The following SNX9 variants were observed in gnomAD, a reference collection of about 807,000 sequenced individuals.
The protein encoded by SNX9 is sorting nexin 9.
A neutral mutation model predicts 89.4 loss-of-function variants in SNX9; 44 were observed. The observed-to-expected ratio is 0.49, with a 90% confidence interval of 0.39 to 0.63. SNX9 has a LOEUF of 0.63. SNX9 is among the 30% of genes least tolerant of loss of function. The pLI is 0.00. For missense variants in SNX9, 578 were observed against 736.1 expected (o/e 0.79, Z 2.49); for synonymous variants, 236 against 247.8 (o/e 0.95, Z 0.45).
At chr6:157,914,140 TC>T (rs1390830377) in intron 9 of SNX9, among the ~76,000 whole-genome samples, 1 of 152,186 alleles carries the variant, frequency 6.6e-6, no homozygotes, top group Non-Finnish European at 1.5e-5. Flanking sequence ...TAGTTCCACA[TC>T]CCTACCTGCA....
chr6:157,915,223 T>A (rs1218397144), intron 9 of SNX9, among the ~76,000 whole-genome samples: 1 of 152,214 alleles, frequency 6.6e-6, no homozygotes, highest in Non-Finnish European at 1.5e-5. Flanking sequence ...TTAAATCAAG[T>A]AGCGTGAATC....
chr6:157,902,943 C>T (rs908143852), intron 6 of SNX9, among the ~76,000 whole-genome samples: 10 of 152,012 alleles, frequency 6.6e-5, no homozygotes, highest in African/African-American at 2.4e-4. Context: ...GCTGGGATTA[C>T]AGGCTTGAGC....
Position 157,927,149 on chromosome 6 carries a change from G to A in SNX9, c.1119G>A (p.Glu373=), listed in dbSNP as rs776179296. The part of the protein sequence containing the change: ...KTGKRKAERD[E]LAGVMIFSTM... ...GAAAGAGGAAGGCCGAGAGAGATGAGCTGGCGGGAGTCATGATATTTTCCA... is the reference window on the plus strand; with the variant it reads ...GAAAGAGGAAGGCCGAGAGAGATGAACTGGCGGGAGTCATGATATTTTCCA... Residue 373 remains glutamate, a synonymous_variant, in exon 11 of 18, where the codon GAG becomes GAA. Transcript: ENST00000392185. 61 of 1,614,016 alleles carry A rather than the reference G, an allele frequency of 3.8e-5. No homozygotes were observed. Among genetic ancestry groups the A allele is most frequent in the Non-Finnish European group, 5.0e-5 (59 of 1,180,024 alleles).
At chr6:157,839,645 A>T (rs1448742793) in intron 1 of SNX9, among the ~76,000 whole-genome samples, 1 of 152,168 alleles carries the variant, frequency 6.6e-6, no homozygotes, top group African/African-American at 2.4e-5. Context: ...CCTGCTGGGG[A>T]AGCAGACCTA....
intron 1 of SNX9, among the ~76,000 whole-genome samples, chr6:157,852,433 T>C (rs1010734470): frequency 1.3e-5 from 2 of 151,996 alleles, no homozygotes; most frequent in Non-Finnish European, 2.9e-5. Context: ...CTCCCTCCCT[T>C]CCTCCTCTCG....
At chr6:157,841,294 G>A (rs1374144361) in intron 1 of SNX9, among the ~76,000 whole-genome samples, 1 of 152,122 alleles carries the variant, frequency 6.6e-6, no homozygotes, top group Admixed American at 6.5e-5. Context: ...TTAATTTAGG[G>A]TCTTCAAGAT....
intron 1 of SNX9, among the ~76,000 whole-genome samples, chr6:157,829,853 G>A (rs1728836440): frequency 6.6e-6 from 1 of 152,048 alleles, no homozygotes; most frequent in South Asian, 2.1e-4. Context: ...GTACAGCATT[G>A]TGTTTACTGA....
At chr6:157,894,083 C>G (rs945424393) in intron 4 of SNX9, among the ~76,000 whole-genome samples, 2 of 115,492 alleles carry the variant, frequency 1.7e-5, no homozygotes, top group African/African-American at 6.5e-5. Context: ...TGTATCATTT[C>G]TTTTTCTTTT....
chr6:157,935,912 G>C, intron 13 of SNX9, 52 bp from the exon 14 acceptor site: 1 of 1,315,762 alleles, frequency 7.6e-7, no homozygotes, highest in South Asian at 1.5e-5. Context: ...TTTAACAAGT[G>C]AAAAGAAAAT....
intron 9 of SNX9, among the ~76,000 whole-genome samples, chr6:157,917,865 T>G (rs1300897024): frequency 6.6e-6 from 1 of 152,168 alleles, no homozygotes; most frequent in Non-Finnish European, 1.5e-5. Context: ...GTTGAATCCA[T>G]GGGTGCAGAG....
intron 1 of SNX9, among the ~76,000 whole-genome samples, chr6:157,834,144 A>G (rs1193261462): frequency 9.7e-6 from 1 of 103,266 alleles, no homozygotes; most frequent in Non-Finnish European, 1.8e-5. Context: ...TGTGGTGTCC[A>G]CTGTGGTTTT....
chr6:157,836,882 C>T (rs527243919), intron 1 of SNX9, among the ~76,000 whole-genome samples: 11 of 152,226 alleles, frequency 7.2e-5, no homozygotes, highest in Admixed American at 6.5e-4. Context: ...TGAGCCACCG[C>T]GCCCGGCCGA....
chr6:157,937,288 C>G (rs1157456221), intron 14 of SNX9, 146 bp from the exon 15 acceptor site: 6 of 479,054 alleles, frequency 1.3e-5, no homozygotes, highest in South Asian at 4.0e-5. Flanking sequence ...GAGTTATTTT[C>G]TTTTAGAAAA....
rs191561872 is a variant in SNX9 at position 157,927,358 on chromosome 6, G to A, written c.1184+144G>A. The A allele has an allele frequency of 7.2e-5, 44 of 610,852 alleles. No homozygotes were observed. The African/African-American group carries it at 7.9e-4, about 11-fold the overall frequency. The allele number at this position is 610,852 out of a possible 1,614,324, so 37.8% of individuals were successfully genotyped here. A position where few individuals can be genotyped will look rare whatever the true frequency, so the allele number is the denominator to read the frequency against. The stretch of plus-strand genomic sequence containing the variant: ...AGTGGGATTTGTAGTCCAATGACAA[G>A]GGAAACATCATTTGTACATAGAAGT... On this transcript the variant is annotated intron_variant, in intron 11 of 17. Transcript: ENST00000392185.
intron 2 of SNX9, among the ~76,000 whole-genome samples, chr6:157,870,383 G>A (rs1316259559): frequency 6.7e-6 from 1 of 149,830 alleles, no homozygotes; most frequent in Non-Finnish European, 1.5e-5. Flanking sequence ...CCGTGTGAGT[G>A]CATGTACCCC....
chr6:157,840,446 C>T (rs552710944), intron 1 of SNX9, among the ~76,000 whole-genome samples: 1 of 150,816 alleles, frequency 6.6e-6, no homozygotes. Context: ...TCCTTTCTTT[C>T]CTTTCCTTCC....
At chr6:157,877,512 A>G (rs1354748343) in intron 4 of SNX9, among the ~76,000 whole-genome samples, 1 of 152,232 alleles carries the variant, frequency 6.6e-6, no homozygotes, top group Non-Finnish European at 1.5e-5. Flanking sequence ...TGTAAATACC[A>G]TGAAAGATGT....
At chr6:157,881,031 C>T (rs1023800814) in intron 4 of SNX9, among the ~76,000 whole-genome samples, 5 of 152,214 alleles carry the variant, frequency 3.3e-5, no homozygotes, top group Non-Finnish European at 7.3e-5. Flanking sequence ...AGGACAGGCA[C>T]ACTTCATTTA....
chr6:157,844,786 C>G (rs1160549075), intron 1 of SNX9, among the ~76,000 whole-genome samples: 3 of 151,744 alleles, frequency 2.0e-5, no homozygotes, highest in African/African-American at 7.3e-5. Flanking sequence ...GTAGAGACAG[C>G]ATTTCACCGT....
Sources: gnomAD v4.1 joint callset for allele counts (sites outside exome capture counted in the v4.1 genomes callset) on GRCh38, gnomAD v4.1.1 for gene constraint, MANE v1.5 for transcripts, NCBI Gene and HGNC (gene_info 2026-07-23, HGNC 2026-07-21) for gene names.